Variants in ESRRG observed in about 807,000 individuals in gnomAD.
ESRRG encodes the protein estrogen related receptor gamma, also known as estrogen-related receptor gamma.
Under a neutral mutation model 44.0 loss-of-function variants are expected in ESRRG, and 13 were observed. The ratio of observed to expected loss-of-function variants is 0.30; its 90% CI spans 0.19 to 0.47. ESRRG has a LOEUF of 0.47. Ranked by LOEUF, ESRRG falls within the 20% of genes least tolerant of loss-of-function variation. The probability of loss-of-function intolerance (pLI) is 1.00; values close to 1 mark genes in which losing one functional copy is unlikely to be tolerated. For synonymous variants in ESRRG, 215 were observed against 214.6 expected (o/e 1.00, Z -0.02); for missense variants, 395 against 580.6 (o/e 0.68, Z 3.29).
chr1:217,057,202 G>A lies in ESRRG; in HGVS notation c.-106+32305C>T, dbSNP rs769317443. ...CAAAGTGGTTGAGGAGAAAACAGCC[G>A]GGGAATCTCAGGAAGCATCTACCAT... On this transcript the variant is annotated intron_variant, in intron 1 of 7. Coordinates refer to the ESRRG transcript ENST00000359162. Among the ~76,000 whole-genome samples the A allele has an allele frequency of 5.3e-5, 8 of 152,090 alleles. No individual in the cohort carries two copies. In the East Asian group the frequency reaches 7.7e-4, roughly 15 times the overall value.
At chr1:216,819,357 C>G (rs982936074) in intron 2 of ESRRG, among the ~76,000 whole-genome samples, 7 of 142,246 alleles carry the variant, frequency 4.9e-5, no homozygotes, top group African/African-American at 1.8e-4. Flanking sequence ...ACTTCAAATC[C>G]TTCCTATTCT....
intron 1 of ESRRG, among the ~76,000 whole-genome samples, chr1:216,974,874 CTT>C (rs572877864): frequency 6.8e-6 from 1 of 146,148 alleles, no homozygotes; most frequent in Non-Finnish European, 1.5e-5. Context: ...TCCTTTTGTG[CTT>C]TTTTTTTTTT....
At chr1:216,651,723 A>T (rs1574787482) in intron 2 of ESRRG, among the ~76,000 whole-genome samples, 2 of 152,304 alleles carry the variant, frequency 1.3e-5, no homozygotes, top group Non-Finnish European at 1.5e-5. Context: ...TATCATCCTC[A>T]TCATGATGTG....
At chr1:216,855,388 T>C (rs1466551076) in intron 2 of ESRRG, among the ~76,000 whole-genome samples, 1 of 151,944 alleles carries the variant, frequency 6.6e-6, no homozygotes, top group Non-Finnish European at 1.5e-5. Context: ...GATAAGAGCT[T>C]TCTGTGAATT....
intron 3 of ESRRG, among the ~76,000 whole-genome samples, chr1:216,630,166 C>T (rs1339447060): frequency 6.6e-6 from 1 of 152,112 alleles, no homozygotes; most frequent in East Asian, 1.9e-4. Context: ...AGGGGAAGTG[C>T]TATGAAAAAC....
intron 1 of ESRRG, among the ~76,000 whole-genome samples, chr1:216,690,432 A>C (rs1458278261): frequency 6.6e-6 from 1 of 152,174 alleles, no homozygotes; most frequent in Non-Finnish European, 1.5e-5. Flanking sequence ...GTGATGTTCC[A>C]GAACAAGGAA....
At chr1:216,801,192 T>A (rs1320782870) in intron 2 of ESRRG, among the ~76,000 whole-genome samples, 2 of 152,212 alleles carry the variant, frequency 1.3e-5, no homozygotes, top group African/African-American at 4.8e-5. Context: ...ATAAATTAGA[T>A]GTCTAGACTT....
intron 5 of ESRRG, among the ~76,000 whole-genome samples, chr1:216,523,784 T>G (rs2046820865): frequency 6.6e-6 from 1 of 151,694 alleles, no homozygotes; most frequent in Non-Finnish European, 1.5e-5. Flanking sequence ...TCTGTTAATA[T>G]CAGTTAATCA....
intron 1 of ESRRG, among the ~76,000 whole-genome samples, chr1:216,686,635 A>G (rs1177295685): frequency 1.3e-5 from 2 of 151,816 alleles, no homozygotes; most frequent in East Asian, 1.9e-4. Context: ...TCAACTAAAA[A>G]AAAAGACTAT....
intron 6 of ESRRG, among the ~76,000 whole-genome samples, chr1:216,509,018 AC>A (rs2041971965): frequency 6.6e-6 from 1 of 152,198 alleles, no homozygotes; most frequent in Admixed American, 6.5e-5. Flanking sequence ...TTCCAACTAG[AC>A]CAAAAACACA....
intron 2 of ESRRG, among the ~76,000 whole-genome samples, chr1:216,909,066 C>T (rs551880172): frequency 2.1e-3 from 325 of 152,112 alleles, no homozygotes; most frequent in African/African-American, 7.5e-3. Context: ...TTTTCGAGTA[C>T]ATGGGTAGAA....
intron 3 of ESRRG, among the ~76,000 whole-genome samples, chr1:216,581,259 TCATCTCAA>T (rs1252990207): frequency 6.6e-6 from 1 of 152,214 alleles, no homozygotes; most frequent in African/African-American, 2.4e-5. Context: ...AATTAATGTT[TCATCTCAA>T]CATCTACAGT....
chr1:216,854,716 C>T (rs1033620299), intron 2 of ESRRG, among the ~76,000 whole-genome samples: 2 of 151,930 alleles, frequency 1.3e-5, no homozygotes, highest in African/African-American at 2.4e-5. Context: ...GATATAATTG[C>T]AAAAAAGTAG....
intron 3 of ESRRG, among the ~76,000 whole-genome samples, chr1:216,630,154 C>T (rs867933002): frequency 9.9e-5 from 15 of 152,134 alleles, no homozygotes; most frequent in Admixed American, 2.6e-4. Flanking sequence ...CAAATAAATA[C>T]TAGGGGAAGT....
intron 1 of ESRRG, among the ~76,000 whole-genome samples, chr1:216,968,446 T>C (rs538032807): frequency 6.6e-6 from 1 of 152,284 alleles, no homozygotes; most frequent in Admixed American, 6.5e-5. Flanking sequence ...TCTTTTATTT[T>C]TGCATGTGGA....
In ESRRG at chr1:217,060,712, A is replaced by T. The variant is rs138828721; in HGVS notation, c.-106+28795T>A. Among the ~76,000 whole-genome samples the T allele has an allele frequency of 1.9e-4, 29 of 152,160 alleles. 1 individual carries two copies. The East Asian group carries it at 5.4e-3, about 28-fold the overall frequency. On this transcript the variant is annotated intron_variant, in intron 1 of 7. Coordinates refer to the ESRRG transcript ENST00000359162. ...GCCTTTTCAAGCATCTAAATTCCTC[A>T]GTTTCTCAGAGAATAGGCCAGGACC...
intron 2 of ESRRG, among the ~76,000 whole-genome samples, chr1:216,820,628 G>A (rs2095265687): frequency 6.6e-6 from 1 of 152,154 alleles, no homozygotes; most frequent in African/African-American, 2.4e-5. Context: ...ACCCACAGCA[G>A]GTGGTTCAGC....
rs2040791076 is a variant in ESRRG, at chr1:216,503,996, T to C, written c.*2943A>G. ...GCATTTACCCTAAAGCCCGTGCAGT[T>C]CTTTTTAAATCCACGTTTTAGTTTT... On this transcript the variant is annotated 3_prime_UTR_variant, in exon 7 of 7. Transcript: ENST00000408911. 2 of 152,702 alleles carry C rather than the reference T, an allele frequency of 1.3e-5. No homozygotes were observed. The highest frequency in any genetic ancestry group is 4.1e-4 in the South Asian group (2 of 4,832). The allele number at this position is 152,702 out of a possible 1,614,324, so 9.5% of individuals were successfully genotyped here.
At chr1:217,064,073 T>G (rs2089158196) in intron 1 of ESRRG, among the ~76,000 whole-genome samples, 1 of 151,838 alleles carries the variant, frequency 6.6e-6, no homozygotes, top group African/African-American at 2.4e-5. Context: ...ACATATATAT[T>G]TGTAAAATAC....
Sources: allele counts gnomAD v4.1 joint callset (sites outside exome capture counted in the v4.1 genomes callset), GRCh38; gene constraint gnomAD v4.1.1; transcripts MANE v1.5; gene names NCBI Gene and HGNC (gene_info 2026-07-23, HGNC 2026-07-21).